The following SCML4 variants were observed in gnomAD, a reference collection of about 807,000 sequenced individuals.
SCML4 encodes the protein sex comb on midleg-like protein 4.
A neutral mutation model predicts 41.1 loss-of-function variants in SCML4; 34 were observed. That is an observed-to-expected ratio of 0.83 (90% CI 0.63 to 1.10). SCML4 has a LOEUF of 1.10. Ranked by LOEUF, SCML4 falls within the 50% of genes least tolerant of loss-of-function variation. The pLI is 0.00. For synonymous variants in SCML4, 214 were observed against 220.9 expected (o/e 0.97, Z 0.28); for missense variants, 522 against 534.1 (o/e 0.98, Z 0.22).
chr6:107,781,141 A>G (rs970878725), intron 1 of SCML4, among the ~76,000 whole-genome samples: 2 of 152,048 alleles, frequency 1.3e-5, no homozygotes, highest in African/African-American at 4.8e-5. Flanking sequence ...TAAACAGAGA[A>G]AGTTAGAGTT....
chr6:107,816,896 C>T (rs1035039342), intron 1 of SCML4, among the ~76,000 whole-genome samples: 1 of 152,178 alleles, frequency 6.6e-6, no homozygotes, highest in Non-Finnish European at 1.5e-5. Flanking sequence ...ATAAATTCTC[C>T]TTACTCTGTT....
chr6:107,759,190 G>A (rs1779364588), intron 2 of SCML4, among the ~76,000 whole-genome samples: 1 of 151,592 alleles, frequency 6.6e-6, no homozygotes, highest in South Asian at 2.1e-4. Flanking sequence ...AACTGGCTGG[G>A]TGTGGTGGCA....
upstream of SCML4, among the ~76,000 whole-genome samples, chr6:107,824,541 G>GT: frequency 8.2e-6 from 1 of 121,410 alleles, no homozygotes; most frequent in African/African-American, 4.7e-5. Context: ...CCTCTTAGCA[G>GT]CCTAAGAGAA....
intron 1 of SCML4, among the ~76,000 whole-genome samples, chr6:107,815,153 C>T (rs550706422): frequency 6.6e-6 from 1 of 152,268 alleles, no homozygotes; most frequent in South Asian, 2.1e-4. Flanking sequence ...ACTGGCAGCT[C>T]TGATCCACAG....
chr6:107,831,844 G>C, the SCML4 span, among the ~76,000 whole-genome samples: 1 of 152,126 alleles, frequency 6.6e-6, no homozygotes, highest in Non-Finnish European at 1.5e-5. Context: ...ACAAGGTCAG[G>C]AGATCGAGAC....
chr6:107,707,205 G>A (rs1417507795), intron 7 of SCML4, among the ~76,000 whole-genome samples: 1 of 152,162 alleles, frequency 6.6e-6, no homozygotes, highest in East Asian at 1.9e-4. Context: ...GGTGGGCTGA[G>A]GCACAAGAAT....
chr6:107,794,260 C>T (rs1173780175), intron 1 of SCML4, among the ~76,000 whole-genome samples: 1 of 152,146 alleles, frequency 6.6e-6, no homozygotes, highest in Non-Finnish European at 1.5e-5. Flanking sequence ...AATGGAAATG[C>T]TCAGGATGAG....
chr6:107,722,366 T>A (rs868020672), intron 5 of SCML4, among the ~76,000 whole-genome samples: 3 of 151,982 alleles, frequency 2.0e-5, no homozygotes, highest in Admixed American at 6.6e-5. Context: ...GAGTTTTTCT[T>A]TTGGGGGGTG....
chr6:107,765,243 G>C (rs1779938379), intron 2 of SCML4, among the ~76,000 whole-genome samples: 3 of 152,176 alleles, frequency 2.0e-5, no homozygotes, highest in South Asian at 2.1e-4. Flanking sequence ...AGTGGCAATG[G>C]GATCAAAACT....
chr6:107,744,559 G>A (rs950102235), intron 5 of SCML4, among the ~76,000 whole-genome samples: 2 of 152,174 alleles, frequency 1.3e-5, no homozygotes, highest in Non-Finnish European at 2.9e-5. Flanking sequence ...GTTTCTTTGG[G>A]ATGAGTTCCT....
chr6:107,720,852 C>T lies in SCML4; in HGVS notation c.824G>A (p.Gly275Glu). The stretch of plus-strand genomic sequence containing the variant: ...AGGACCACCCCCAAGGTGGCTGTCT[C>T]CAGAGTTCTGCCTCTTGCAGTACAG... ...SSLYCKRQNSGDSHLGGGPAA... is the reference protein window; with the variant it reads ...SSLYCKRQNSEDSHLGGGPAA... Residue 275 changes from glycine to glutamate, a missense_variant, in exon 6 of 8, where the codon GGA (glycine) becomes GAA (glutamate). Transcript: ENST00000369020. 1 of 1,614,124 alleles carries T rather than the reference C, an allele frequency of 6.2e-7. No homozygotes were observed. Among genetic ancestry groups the T allele is most frequent in the South Asian group, 1.1e-5 (1 of 91,084 alleles).
intron 2 of SCML4, among the ~76,000 whole-genome samples, chr6:107,759,189 G>A (rs1779364315): frequency 6.6e-6 from 1 of 151,744 alleles, no homozygotes; most frequent in Non-Finnish European, 1.5e-5. Flanking sequence ...AAACTGGCTG[G>A]GTGTGGTGGC....
At chr6:107,797,642 C>A (rs966126467) in intron 1 of SCML4, among the ~76,000 whole-genome samples, 3 of 151,782 alleles carry the variant, frequency 2.0e-5, no homozygotes, top group African/African-American at 7.3e-5. Flanking sequence ...TGCCTTGTTA[C>A]AGTGGTTGGA....
At chr6:107,741,736 C>A (rs901245753) in intron 5 of SCML4, among the ~76,000 whole-genome samples, 24 of 152,334 alleles carry the variant, frequency 1.6e-4, no homozygotes, top group African/African-American at 5.8e-4. Context: ...CTAAGGCAAA[C>A]CTGGGCTTAA....
chr6:107,831,235 G>C, the SCML4 span, among the ~76,000 whole-genome samples: 1 of 152,030 alleles, frequency 6.6e-6, no homozygotes, highest in Non-Finnish European at 1.5e-5. Context: ...AGTTTTGGGG[G>C]ATTGCCTGCA....
rs548530760 is a variant in SCML4, at chr6:107,704,366, G to A, written c.*834C>T. ...GGGTAGAGCGTGCTTCCAAATTCTTGCCTTTGCTAGTTGAGTATCAGTCAG... is the reference window on the plus strand; with the variant it reads ...GGGTAGAGCGTGCTTCCAAATTCTTACCTTTGCTAGTTGAGTATCAGTCAG... On this transcript the variant is annotated 3_prime_UTR_variant, in exon 8 of 8. Coordinates refer to ENST00000369020, the MANE Select transcript of SCML4 (RefSeq NM_198081.5). 2 of 152,310 alleles carry A rather than the reference G, an allele frequency of 1.3e-5. No homozygotes were observed. Among genetic ancestry groups the A allele is most frequent in the East Asian group, 3.9e-4 (2 of 5,188 alleles). 9.4% of individuals were successfully genotyped at this position (152,310 alleles called of 1,614,324 possible).
intron 1 of SCML4, among the ~76,000 whole-genome samples, chr6:107,822,957 C>G (rs7771956): frequency 0.26 from 39,019 of 150,996 alleles, 6,945 homozygotes; most frequent in African/African-American, 0.51. Flanking sequence ...GTTTAACACA[C>G]TAAGAATTCC....
the SCML4 span, among the ~76,000 whole-genome samples, chr6:107,835,917 C>T: frequency 6.6e-6 from 1 of 152,222 alleles, no homozygotes; most frequent in Non-Finnish European, 1.5e-5. Flanking sequence ...AGGTCAGGAC[C>T]TACTAAGGTG....
intron 1 of SCML4, among the ~76,000 whole-genome samples, chr6:107,822,737 C>T (rs946249869): frequency 6.6e-6 from 1 of 151,956 alleles, no homozygotes; most frequent in Non-Finnish European, 1.5e-5. Flanking sequence ...TGTCAAAAAG[C>T]CTGTTTAAAA....
Sources: allele counts gnomAD v4.1 joint callset (sites outside exome capture counted in the v4.1 genomes callset), GRCh38; gene constraint gnomAD v4.1.1; transcripts MANE v1.5; gene names NCBI Gene and HGNC (gene_info 2026-07-23, HGNC 2026-07-21).